MNAT1: variants seen among roughly 807,000 people sequenced by gnomAD.
The protein encoded by MNAT1 is MNAT1 component of CDK activating kinase.
A neutral mutation model predicts 42.0 loss-of-function variants in MNAT1; 43 were observed. That is an observed-to-expected ratio of 1.02 (90% CI 0.80 to 1.32). The LOEUF (loss-of-function observed/expected upper bound fraction) is 1.32, where lower values mean the gene tolerates loss of function less well. Among genes scored for constraint, MNAT1 ranks in the 40% most tolerant of loss-of-function variants. The pLI is 0.00. For missense variants in MNAT1, 306 were observed against 350.4 expected, an observed-to-expected ratio of 0.87 and a Z score of 1.01; for synonymous variants, 118 against 120.0, an observed-to-expected ratio of 0.98 and a Z score of 0.11.
rs1594871977 is a variant in MNAT1, at chr14:60,918,488, A to T, written c.809+38653A>T. 2.0e-5 allele frequency among the ~76,000 whole-genome samples: 3 copies of T among 151,586 alleles called. No homozygotes were observed. The South Asian group carries it at 6.2e-4, about 32-fold the overall frequency. On this transcript the variant is annotated intron_variant, in intron 7 of 7. Coordinates refer to ENST00000261245, the MANE Select transcript of MNAT1 (RefSeq NM_002431.4). ...CTCCCAAAGTGGTGGGATTAGAGGC[A>T]TGAGCCACAGTGCCCGGCCAATTGT...
chr14:60,788,441 G>C (rs1194947491), intron 1 of MNAT1, among the ~76,000 whole-genome samples: 1 of 152,132 alleles, frequency 6.6e-6, no homozygotes, highest in African/African-American at 2.4e-5. Flanking sequence ...ATGAACATTG[G>C]TTTCAATTTA....
intron 1 of MNAT1, among the ~76,000 whole-genome samples, chr14:60,759,275 C>G (rs1402797216): frequency 6.6e-6 from 1 of 152,194 alleles, no homozygotes; most frequent in Non-Finnish European, 1.5e-5. Context: ...GGTCTGGTCT[C>G]TGCCTATTTT....
chr14:60,788,361 C>T (rs1369089992), intron 1 of MNAT1, among the ~76,000 whole-genome samples: 2 of 152,114 alleles, frequency 1.3e-5, no homozygotes, highest in Non-Finnish European at 2.9e-5. Context: ...TTTATTCTTC[C>T]ATTTATAGAG....
intron 7 of MNAT1, among the ~76,000 whole-genome samples, chr14:60,966,911 T>G (rs1387843368): frequency 6.6e-6 from 1 of 152,076 alleles, no homozygotes; most frequent in Non-Finnish European, 1.5e-5. Context: ...TTATATATAG[T>G]AACATATAGT....
At chr14:60,860,392 G>T (rs1209745238) in intron 6 of MNAT1, among the ~76,000 whole-genome samples, 2 of 123,506 alleles carry the variant, frequency 1.6e-5, no homozygotes, top group Non-Finnish European at 3.2e-5. Flanking sequence ...TTACTCTGTC[G>T]CCTAGGCTGG....
At chr14:60,950,653 C>G (rs1382400527) in intron 7 of MNAT1, among the ~76,000 whole-genome samples, 2 of 152,108 alleles carry the variant, frequency 1.3e-5, no homozygotes, top group African/African-American at 4.8e-5. Flanking sequence ...TTATGTGTGG[C>G]CCGAGACAAT....
chr14:60,952,678 T>C (rs2036406311), intron 7 of MNAT1, among the ~76,000 whole-genome samples: 1 of 152,048 alleles, frequency 6.6e-6, no homozygotes, highest in Non-Finnish European at 1.5e-5. Flanking sequence ...ATTATGAAAA[T>C]ATTATCTTTG....
At chr14:60,837,493 G>A (rs751324769) in intron 6 of MNAT1, among the ~76,000 whole-genome samples, 12 of 152,168 alleles carry the variant, frequency 7.9e-5, no homozygotes, top group African/African-American at 2.2e-4. Flanking sequence ...GACCCCATGC[G>A]CTTCCTGGGT....
intron 7 of MNAT1, among the ~76,000 whole-genome samples, chr14:60,881,669 A>G (rs2034554434): frequency 6.6e-6 from 1 of 152,082 alleles, no homozygotes; most frequent in South Asian, 2.1e-4. Flanking sequence ...GGCACATAGT[A>G]GGTATATATA....
At chr14:60,958,669 C>T (rs1160651628) in intron 7 of MNAT1, among the ~76,000 whole-genome samples, 1 of 124,680 alleles carries the variant, frequency 8.0e-6, no homozygotes, top group Non-Finnish European at 1.6e-5. Flanking sequence ...CAGAGTCTCG[C>T]TCTGTCACCC....
chr14:60,836,706 G>A (rs1305478547), intron 6 of MNAT1, among the ~76,000 whole-genome samples: 1 of 152,210 alleles, frequency 6.6e-6, no homozygotes, highest in Non-Finnish European at 1.5e-5. Context: ...CCAATCAGGA[G>A]GCACGGAGGT....
chr14:60,811,043 T>A (rs904610705), intron 4 of MNAT1, among the ~76,000 whole-genome samples: 2 of 152,178 alleles, frequency 1.3e-5, no homozygotes, highest in Non-Finnish European at 2.9e-5. Flanking sequence ...TTATAATTGT[T>A]ATATCTTTCT....
intron 1 of MNAT1, among the ~76,000 whole-genome samples, chr14:60,787,791 T>A (rs1332127287): frequency 6.6e-6 from 1 of 152,140 alleles, no homozygotes; most frequent in Non-Finnish European, 1.5e-5. Context: ...TCAAGTTTGA[T>A]CATGAGATTG....
intron 7 of MNAT1, among the ~76,000 whole-genome samples, chr14:60,944,111 G>C (rs2036228460): frequency 6.6e-6 from 1 of 152,168 alleles, no homozygotes. Context: ...TTTGGACCAG[G>C]AATGTGAGCA....
chr14:60,799,046 T>A (rs960371876), intron 3 of MNAT1, among the ~76,000 whole-genome samples: 1 of 152,216 alleles, frequency 6.6e-6, no homozygotes, highest in Admixed American at 6.5e-5. Context: ...ATAAATATTC[T>A]AATTCCTTTA....
rs1157432387 is a variant in MNAT1, at chr14:60,873,007, T to A, written c.688-6707T>A. On this transcript the variant is annotated intron_variant, in intron 6 of 7. Coordinates refer to ENST00000261245, the MANE Select transcript of MNAT1 (RefSeq NM_002431.4). The stretch of plus-strand genomic sequence containing the variant: ...AGGACATTCTCATACATAACCATAA[T>A]GCCATAATCACACCGAACAATTAAC... Among the ~76,000 whole-genome samples the A allele has an allele frequency of 7.9e-5, 12 of 152,162 alleles. No homozygotes were observed. In the East Asian group the frequency reaches 2.1e-3, roughly 27 times the overall value.
At chr14:60,851,991 G>A (rs1268207185) in intron 6 of MNAT1, among the ~76,000 whole-genome samples, 2 of 152,134 alleles carry the variant, frequency 1.3e-5, no homozygotes, top group African/African-American at 2.4e-5. Flanking sequence ...TTGCTGTTGT[G>A]AATAGTGCTG....
At chr14:60,802,800 G>A (rs2032246608) in intron 3 of MNAT1, among the ~76,000 whole-genome samples, 1 of 152,026 alleles carries the variant, frequency 6.6e-6, no homozygotes, top group Non-Finnish European at 1.5e-5. Context: ...ATTTTGTTTT[G>A]TTGGGTGAAG....
intron 6 of MNAT1, among the ~76,000 whole-genome samples, chr14:60,876,396 A>G (rs887149450): frequency 2.6e-5 from 4 of 152,104 alleles, no homozygotes; most frequent in African/African-American, 9.7e-5. Context: ...TAGAATATCC[A>G]AAACTCATTT....
Sources: gnomAD v4.1 joint callset for allele counts (sites outside exome capture counted in the v4.1 genomes callset) on GRCh38, gnomAD v4.1.1 for gene constraint, MANE v1.5 for transcripts, NCBI Gene and HGNC (gene_info 2026-07-23, HGNC 2026-07-21) for gene names.